IGSF21: variants seen among roughly 807,000 people sequenced by gnomAD.
IGSF21 encodes immunoglobulin superfamily member 21.
In IGSF21, 28 loss-of-function variants were observed where a neutral mutation model predicts 46.8. The ratio of observed to expected loss-of-function variants is 0.60; its 90% CI spans 0.44 to 0.82. IGSF21 has a LOEUF of 0.82. IGSF21 is among the 40% of genes least tolerant of loss of function. IGSF21 has a pLI of 0.00. For synonymous variants in IGSF21, 284 were observed against 273.6 expected, an observed-to-expected ratio of 1.04 and a Z score of -0.38; for missense variants, 624 against 665.5, an observed-to-expected ratio of 0.94 and a Z score of 0.69.
At chr1:18,315,156 CA>C (rs2085528088) in intron 3 of IGSF21, among the ~76,000 whole-genome samples, 1 of 152,046 alleles carries the variant, frequency 6.6e-6, no homozygotes, top group Admixed American at 6.6e-5. Flanking sequence ...AGAGCATTTC[CA>C]CGGCCCATCT....
At chr1:18,176,950 G>A (rs1050914517) in intron 1 of IGSF21, among the ~76,000 whole-genome samples, 6 of 152,126 alleles carry the variant, frequency 3.9e-5, no homozygotes, top group African/African-American at 7.2e-5. Flanking sequence ...GACATACAGC[G>A]CTTCCTATAA....
chr1:18,280,494 A>G (rs1233493752), intron 2 of IGSF21, among the ~76,000 whole-genome samples: 1 of 152,186 alleles, frequency 6.6e-6, no homozygotes, highest in Non-Finnish European at 1.5e-5. Context: ...TTAGCATTTT[A>G]CAGCTAACAG....
chr1:18,199,158 A>G (rs2087040253), intron 1 of IGSF21, among the ~76,000 whole-genome samples: 1 of 152,072 alleles, frequency 6.6e-6, no homozygotes, highest in South Asian at 2.1e-4. Context: ...CATTAAACAG[A>G]TAGAAGGGAG....
intron 6 of IGSF21, among the ~76,000 whole-genome samples, chr1:18,370,229 C>T (rs2086211017): frequency 6.6e-6 from 1 of 152,178 alleles, no homozygotes; most frequent in African/African-American, 2.4e-5. Context: ...CAGATCATGA[C>T]ACCCGCCCAA....
intron 3 of IGSF21, among the ~76,000 whole-genome samples, chr1:18,329,360 G>A (rs1334488114): frequency 1.3e-5 from 2 of 152,176 alleles, no homozygotes; most frequent in African/African-American, 2.4e-5. Context: ...TGGAGAAACC[G>A]AAGCTCAAAG....
chr1:18,229,321 C>T (rs534765505), intron 2 of IGSF21, among the ~76,000 whole-genome samples: 1 of 152,310 alleles, frequency 6.6e-6, no homozygotes, highest in East Asian at 1.9e-4. Context: ...ACACACAGAG[C>T]ATGGAAACTC....
At chr1:18,364,273 A>T (rs1489499474) in intron 5 of IGSF21, among the ~76,000 whole-genome samples, 2 of 152,206 alleles carry the variant, frequency 1.3e-5, no homozygotes, top group Non-Finnish European at 2.9e-5. Flanking sequence ...TCAAAAAGAA[A>T]AAAGGAAAGA....
chr1:18,193,868 A>G lies in IGSF21; in HGVS notation c.71-34030A>G, dbSNP rs1320496106. ...CTTATGTAACATACAAATATGGTTT[A>G]GCCTACAATGGAACAAGCTGAAGGG... is the stretch of plus-strand genomic sequence containing the variant. On this transcript the variant is annotated intron_variant, in intron 1 of 9. Transcript: ENST00000251296. 1.4e-4 allele frequency among the ~76,000 whole-genome samples: 22 copies of G among 152,318 alleles called. No individual in the cohort carries two copies. In the South Asian group the frequency reaches 3.9e-3, roughly 27 times the overall value.
At chr1:18,202,024 C>G (rs2087080379) in intron 1 of IGSF21, among the ~76,000 whole-genome samples, 1 of 152,212 alleles carries the variant, frequency 6.6e-6, no homozygotes, top group Non-Finnish European at 1.5e-5. Context: ...GAGCACCAAG[C>G]ACTTGGAAAA....
chr1:18,367,971 A>C lies in IGSF21; in HGVS notation c.1015+2274A>C, dbSNP rs185233563. On this transcript the variant is annotated intron_variant, in intron 6 of 9. Transcript: ENST00000251296. ...AAATAAAGGCTAACATTTAGTGAGCACCTACTATATGCCACAGACTGTGGC... is the reference window on the plus strand; with the variant it reads ...AAATAAAGGCTAACATTTAGTGAGCCCCTACTATATGCCACAGACTGTGGC... Among the ~76,000 whole-genome samples, 453 of 152,164 alleles carry C rather than the reference A, an allele frequency of 3.0e-3. 2 individuals carry two copies. Among genetic ancestry groups the C allele is most frequent in the Non-Finnish European group, 4.1e-3 (280 of 68,000 alleles).
intron 1 of IGSF21, among the ~76,000 whole-genome samples, chr1:18,207,888 A>C (rs1258451315): frequency 1.3e-5 from 2 of 152,186 alleles, no homozygotes; most frequent in African/African-American, 4.8e-5. Context: ...TTCAGTTTTC[A>C]TACCAGTAAA....
intron 3 of IGSF21, among the ~76,000 whole-genome samples, chr1:18,327,571 C>A (rs181973193): frequency 4.3e-4 from 65 of 152,174 alleles, no homozygotes; most frequent in African/African-American, 1.5e-3. Context: ...GAAAGGGACG[C>A]AACAATTGGT....
At chr1:18,236,408 T>C (rs2084673233) in intron 2 of IGSF21, among the ~76,000 whole-genome samples, 1 of 152,196 alleles carries the variant, frequency 6.6e-6, no homozygotes, top group Admixed American at 6.5e-5. Context: ...CTTTTATAAA[T>C]TACCCAGTCC....
intron 2 of IGSF21, among the ~76,000 whole-genome samples, chr1:18,256,165 C>T (rs1016325189): frequency 3.9e-5 from 6 of 152,152 alleles, no homozygotes; most frequent in African/African-American, 1.2e-4. Flanking sequence ...TCCCTGACCT[C>T]TGGGTCTTTG....
At chr1:18,128,519 C>T (rs983450964) in intron 1 of IGSF21, among the ~76,000 whole-genome samples, 1 of 152,196 alleles carries the variant, frequency 6.6e-6, no homozygotes, top group Non-Finnish European at 1.5e-5. Flanking sequence ...AATTCCCTCC[C>T]ACCAGTGATG....
At chr1:18,308,474 G>A (rs994427492) in intron 3 of IGSF21, among the ~76,000 whole-genome samples, 3 of 152,182 alleles carry the variant, frequency 2.0e-5, no homozygotes, top group African/African-American at 7.2e-5. Flanking sequence ...GTTTAGGTTT[G>A]CAGAGCACCT....
chr1:18,357,195 T>G (rs1196661098), intron 4 of IGSF21, among the ~76,000 whole-genome samples: 25 of 74,728 alleles, frequency 3.3e-4, no homozygotes, highest in Admixed American at 7.1e-4. Flanking sequence ...GAGATGGAGA[T>G]GGGAGTGGGG....
chr1:18,344,761 C>T (rs891829282), intron 4 of IGSF21, among the ~76,000 whole-genome samples: 8 of 152,204 alleles, frequency 5.3e-5, no homozygotes, highest in Non-Finnish European at 8.8e-5. Context: ...GCCTCAGCTA[C>T]CTCCTTTCCC....
chr1:18,194,450 T>A (rs2086988177), intron 1 of IGSF21, among the ~76,000 whole-genome samples: 1 of 152,188 alleles, frequency 6.6e-6, no homozygotes, highest in Non-Finnish European at 1.5e-5. Context: ...GGCAGGGCCA[T>A]ACTCTCTCTG....
Sources: gnomAD v4.1 joint callset for allele counts (sites outside exome capture counted in the v4.1 genomes callset) on GRCh38, gnomAD v4.1.1 for gene constraint, MANE v1.5 for transcripts, NCBI Gene and HGNC (gene_info 2026-07-23, HGNC 2026-07-21) for gene names.